The following MCF2L2 variants were observed in gnomAD, a reference collection of about 807,000 sequenced individuals.
The protein encoded by MCF2L2 is probable guanine nucleotide exchange factor MCF2L2.
MCF2L2 carries 102 observed loss-of-function variants against 150.2 expected under a neutral mutation model. That is an observed-to-expected ratio of 0.68 (90% CI 0.58 to 0.80). The LOEUF (loss-of-function observed/expected upper bound fraction) is 0.80. MCF2L2 is among the 30% of genes least tolerant of loss of function. The pLI is 0.00. For synonymous variants in MCF2L2, 465 were observed against 491.3 expected (o/e 0.95, Z 0.71); for missense variants, 1,256 against 1,372.8 (o/e 0.91, Z 1.34).
chr3:183,267,963 A>G lies in MCF2L2; in HGVS notation c.1862+8909T>C, dbSNP rs1726324001. ...ACACACTGAGCTGGATGCTGAGTGTAGGGTGTCCACAACATCGTGCCTAAA... is the reference window on the plus strand; with the variant it reads ...ACACACTGAGCTGGATGCTGAGTGTGGGGTGTCCACAACATCGTGCCTAAA... On this transcript the variant is annotated intron_variant, in intron 15 of 29. Transcript: ENST00000328913. The surrounding 1 kb of genome is among the most constrained non-coding windows in gnomAD (Gnocchi z 5.5). 6.6e-6 allele frequency among the ~76,000 whole-genome samples: 1 copy of G among 152,212 alleles called. No homozygotes were observed. Among genetic ancestry groups the G allele is most frequent in the Non-Finnish European group, 1.5e-5 (1 of 68,028 alleles).
chr3:183,419,810 T>A (rs1011284624), intron 1 of MCF2L2, among the ~76,000 whole-genome samples: 4 of 152,156 alleles, frequency 2.6e-5, no homozygotes, highest in Non-Finnish European at 5.9e-5. Flanking sequence ...GGGGCAGAGG[T>A]TGCAGTGAGC....
At chr3:183,198,992 T>C (rs1277785664) in intron 25 of MCF2L2, among the ~76,000 whole-genome samples, 1 of 152,238 alleles carries the variant, frequency 6.6e-6, no homozygotes, top group Non-Finnish European at 1.5e-5. Flanking sequence ...CCATCTTATC[T>C]GTATACAAAG....
At chr3:183,379,956 T>C (rs1040425308) in intron 2 of MCF2L2, among the ~76,000 whole-genome samples, 1 of 151,920 alleles carries the variant, frequency 6.6e-6, no homozygotes, top group African/African-American at 2.4e-5. Flanking sequence ...ACCTACATGG[T>C]AAGGTGAGGA....
intron 15 of MCF2L2, 38 bp downstream of exon 15, chr3:183,276,834 C>T (rs571256224): frequency 6.8e-7 from 1 of 1,468,962 alleles, no homozygotes; most frequent in Non-Finnish European, 9.3e-7. Context: ...ATGCCCCGCA[C>T]CCCCTCGCCC....
At chr3:183,308,975 A>G (rs1729233315) in intron 10 of MCF2L2, among the ~76,000 whole-genome samples, 1 of 152,210 alleles carries the variant, frequency 6.6e-6, no homozygotes, top group Non-Finnish European at 1.5e-5. Context: ...ATTTCAAACA[A>G]GCAGAAAGGA....
intron 3 of MCF2L2, among the ~76,000 whole-genome samples, chr3:183,354,573 A>C (rs1482532624): frequency 6.8e-6 from 1 of 148,042 alleles, no homozygotes; most frequent in Non-Finnish European, 1.5e-5. Flanking sequence ...ACCAATTACC[A>C]ATCAGAAAAT....
chr3:183,397,974 A>G (rs1157285238), intron 1 of MCF2L2, among the ~76,000 whole-genome samples: 3 of 152,224 alleles, frequency 2.0e-5, no homozygotes, highest in Non-Finnish European at 4.4e-5. Flanking sequence ...GGTTTAAAAT[A>G]CATTAAGTTT....
At chr3:183,315,644 C>T (rs889820221) in intron 7 of MCF2L2, among the ~76,000 whole-genome samples, 1 of 152,196 alleles carries the variant, frequency 6.6e-6, no homozygotes, top group African/African-American at 2.4e-5. Context: ...ATTCTGAGAA[C>T]AGCTGGTTAG....
At chr3:183,367,312 G>C (rs560508096) in intron 3 of MCF2L2, among the ~76,000 whole-genome samples, 5 of 149,812 alleles carry the variant, frequency 3.3e-5, no homozygotes, top group Non-Finnish European at 5.9e-5. Context: ...TGCAACCTCT[G>C]CTTCCTGGGT....
intron 14 of MCF2L2, among the ~76,000 whole-genome samples, chr3:183,284,702 CA>C (rs775947593): frequency 0.034 from 4,436 of 130,444 alleles, 184 homozygotes; most frequent in African/African-American, 0.11. Flanking sequence ...ACTCTGTCTC[CA>C]AAAAAAAAAA....
intron 10 of MCF2L2, among the ~76,000 whole-genome samples, chr3:183,307,691 T>C (rs962691406): frequency 1.3e-5 from 2 of 152,246 alleles, no homozygotes; most frequent in Non-Finnish European, 2.9e-5. Flanking sequence ...AGAAAGAATG[T>C]GATGCAGTCA....
At chr3:183,323,194 C>T (rs1179429911) in intron 6 of MCF2L2, 41 bp downstream of exon 6, 2 of 1,409,906 alleles carry the variant, frequency 1.4e-6, no homozygotes, top group Non-Finnish European at 2.0e-6. Context: ...TTCCAGAAAA[C>T]AAGGAGAGAC....
chr3:183,289,172 G>T lies in MCF2L2; in HGVS notation c.1724C>A (p.Thr575Lys). 2 of 1,614,038 alleles carry T rather than the reference G, an allele frequency of 1.2e-6. No individual in the cohort carries two copies. The highest frequency in any genetic ancestry group is 8.5e-7 in the Non-Finnish European group (1 of 1,179,948). The change falls in exon 14 of 30, where the codon ACA (threonine) becomes AAA (lysine). Residue 575 changes from threonine (T) to lysine (K), a missense_variant. Transcript: ENST00000328913. ...LRTSEEPYTETELNSRGKEDD... is the reference protein window; with the variant it reads ...LRTSEEPYTEKELNSRGKEDD... ...TTCCTTTCCCCGGGAGTTCAACTCT[G>T]TCTCCGTATAAGGTTCCTCAGACGT...
At chr3:183,347,230 G>C (rs1272315040) in intron 3 of MCF2L2, among the ~76,000 whole-genome samples, 5 of 152,102 alleles carry the variant, frequency 3.3e-5, no homozygotes, top group Non-Finnish European at 5.9e-5. Context: ...GAACAGAACA[G>C]AGGCCTCAGA....
At chr3:183,425,441 TC>T (rs113416087) in intron 1 of MCF2L2, among the ~76,000 whole-genome samples, 12,764 of 151,952 alleles carry the variant, frequency 0.084, 557 homozygotes, top group African/African-American at 0.095. Flanking sequence ...TCTCAAACCT[TC>T]CCCAACTCAT....
At chr3:183,390,776 G>A (rs1216071210) in intron 1 of MCF2L2, among the ~76,000 whole-genome samples, 1 of 152,038 alleles carries the variant, frequency 6.6e-6, no homozygotes, top group East Asian at 1.9e-4. Flanking sequence ...GTATGCCTGC[G>A]GTCCCAGCTA....
intron 13 of MCF2L2, among the ~76,000 whole-genome samples, chr3:183,290,100 ACT>A (rs1300565832): frequency 6.6e-6 from 1 of 152,108 alleles, no homozygotes; most frequent in African/African-American, 2.4e-5. Context: ...AAAACACTAA[ACT>A]CTTAACGCTG....
intron 2 of MCF2L2, among the ~76,000 whole-genome samples, chr3:183,389,178 C>T (rs1258104867): frequency 1.3e-5 from 2 of 152,168 alleles, no homozygotes; most frequent in South Asian, 2.1e-4. Context: ...AGGGTTGTGT[C>T]TAGGCTCAAA....
At chr3:183,396,249 T>C (rs1714451476) in intron 1 of MCF2L2, among the ~76,000 whole-genome samples, 1 of 152,112 alleles carries the variant, frequency 6.6e-6, no homozygotes, top group South Asian at 2.1e-4. Flanking sequence ...GGGTGGTTTG[T>C]GGGTTGCACC....
Sources: allele counts gnomAD v4.1 joint callset (sites outside exome capture counted in the v4.1 genomes callset), GRCh38; gene constraint gnomAD v4.1.1; non-coding constraint Gnocchi (gnomAD v3.1); transcripts MANE v1.5; gene names NCBI Gene and HGNC (gene_info 2026-07-23, HGNC 2026-07-21).